The following IP6K1 variants were observed in gnomAD, a reference collection of about 807,000 sequenced individuals.
IP6K1 encodes the protein ATP:1D-myo-inositol-hexakisphosphate phosphotransferase.
IP6K1 carries 13 observed loss-of-function variants against 38.3 expected under a neutral mutation model. The observed-to-expected ratio is 0.34, with a 90% CI of 0.22 to 0.54. The LOEUF (loss-of-function observed/expected upper bound fraction) is 0.54, where lower values mean the gene tolerates loss of function less well. Among genes scored for constraint, IP6K1 ranks in the 20% least tolerant of loss-of-function variants. The probability of loss-of-function intolerance (pLI) is 0.92; values close to 1 mark genes in which losing one functional copy is unlikely to be tolerated. For synonymous variants in IP6K1, 212 were observed against 229.9 expected, an observed-to-expected ratio of 0.92 and a Z score of 0.70; for missense variants, 397 against 599.8, an observed-to-expected ratio of 0.66 and a Z score of 3.53.
intron 1 of IP6K1, among the ~76,000 whole-genome samples, chr3:49,753,826 C>T (rs374328163): frequency 6.6e-6 from 1 of 151,896 alleles, no homozygotes; most frequent in Non-Finnish European, 1.5e-5. Flanking sequence ...TGACAGAATT[C>T]GAAGTCAGCA....
chr3:49,777,990 A>T (rs908125298), intron 1 of IP6K1, among the ~76,000 whole-genome samples: 1 of 152,090 alleles, frequency 6.6e-6, no homozygotes, highest in African/African-American at 2.4e-5. Flanking sequence ...TCTGGTGTGC[A>T]GGGGATTTTC....
intron 1 of IP6K1, among the ~76,000 whole-genome samples, chr3:49,750,334 A>C (rs972738303): frequency 1.3e-5 from 2 of 152,160 alleles, no homozygotes; most frequent in Non-Finnish European, 2.9e-5. Context: ...AGCCTGAGTC[A>C]TTGGGTGGCT....
intron 2 of IP6K1, among the ~76,000 whole-genome samples, chr3:49,738,943 C>T (rs943842684): frequency 6.6e-6 from 1 of 152,144 alleles, no homozygotes; most frequent in Non-Finnish European, 1.5e-5. Context: ...ACAGAACTTC[C>T]ACCCCTGGCA....
chr3:49,737,800 C>T (rs546416611), intron 3 of IP6K1, among the ~76,000 whole-genome samples: 4 of 152,176 alleles, frequency 2.6e-5, no homozygotes, highest in Admixed American at 1.3e-4. Context: ...AGGTCTGACA[C>T]AAAAACCATT....
intron 1 of IP6K1, among the ~76,000 whole-genome samples, chr3:49,782,245 A>G (rs986330615): frequency 4.6e-5 from 7 of 151,394 alleles, no homozygotes; most frequent in Non-Finnish European, 4.4e-5. Flanking sequence ...ATCTCGGCTC[A>G]CTGCAACCTC....
chr3:49,759,971 C>T (rs1437579012), intron 1 of IP6K1, among the ~76,000 whole-genome samples: 3 of 152,276 alleles, frequency 2.0e-5, no homozygotes, highest in East Asian at 1.9e-4. Flanking sequence ...GGCACGATCA[C>T]GGGTTACTAC....
rs1000024504 is a variant in IP6K1 at position 49,726,919 on chromosome 3, G to A, written c.*203C>T. The stretch of plus-strand genomic sequence containing the variant: ...CCAGTCAGAGCCACAAAGCTGAGGA[G>A]CCTGGCTGAGAGGGCGTGTGGTCTG... On this transcript the variant is annotated 3_prime_UTR_variant, in exon 6 of 6. Transcript: ENST00000321599. 5 of 564,482 alleles carry A rather than the reference G, an allele frequency of 8.9e-6. No individual in the cohort carries two copies. The African/African-American group carries it at 9.5e-5, about 11-fold the overall frequency. 35.0% of individuals were successfully genotyped at this position (564,482 alleles called of 1,614,324 possible). A position where few individuals can be genotyped will look rare whatever the true frequency, so the allele number is the denominator to read the frequency against.
At chr3:49,775,628 C>G (rs2081000474) in intron 1 of IP6K1, 3 of 851,088 alleles carry the variant, frequency 3.5e-6, no homozygotes, top group Non-Finnish European at 3.4e-6. Flanking sequence ...GTGGGTGGCC[C>G]CTTCCTCCCC....
intron 4 of IP6K1, among the ~76,000 whole-genome samples, chr3:49,731,629 A>G (rs147500740): frequency 2.0e-4 from 30 of 152,256 alleles, no homozygotes; most frequent in African/African-American, 5.5e-4. Context: ...TTGCTGTGAA[A>G]ATTAACTACG....
chr3:49,780,343 G>A (rs866224597), intron 1 of IP6K1, among the ~76,000 whole-genome samples: 5 of 13,262 alleles, frequency 3.8e-4, no homozygotes, highest in African/African-American at 1.4e-3. Context: ...CACACACACA[G>A]TCTTAGGCTT....
intron 1 of IP6K1, among the ~76,000 whole-genome samples, chr3:49,756,922 A>G (rs1238729006): frequency 3.3e-5 from 5 of 151,980 alleles, no homozygotes; most frequent in African/African-American, 7.2e-5. Flanking sequence ...CCACTGGATT[A>G]CCTGTGCTGT....
intron 3 of IP6K1, among the ~76,000 whole-genome samples, chr3:49,737,973 C>G (rs1459694294): frequency 6.6e-6 from 1 of 152,124 alleles, no homozygotes; most frequent in Non-Finnish European, 1.5e-5. Context: ...ACAGGGTGTC[C>G]CTGCTTCCAA....
chr3:49,767,737 C>T (rs978348059), intron 1 of IP6K1, among the ~76,000 whole-genome samples: 1 of 152,148 alleles, frequency 6.6e-6, no homozygotes, highest in African/African-American at 2.4e-5. Flanking sequence ...GAGATCCCAT[C>T]TCTATTCTAA....
intron 1 of IP6K1, among the ~76,000 whole-genome samples, chr3:49,776,389 T>C (rs1312155640): frequency 4.6e-5 from 7 of 151,906 alleles, no homozygotes; most frequent in South Asian, 4.1e-4. Context: ...TGGTGGTGCA[T>C]GTCTGTAATC....
chr3:49,761,258 T>G (rs1005320453), intron 1 of IP6K1, among the ~76,000 whole-genome samples: 15 of 151,100 alleles, frequency 9.9e-5, no homozygotes, highest in Non-Finnish European at 1.8e-4. Context: ...GAGGGTGCAG[T>G]GAGCGGAGAT....
chr3:49,737,273 T>C (rs1048984610), intron 3 of IP6K1, among the ~76,000 whole-genome samples: 1 of 152,142 alleles, frequency 6.6e-6, no homozygotes, highest in African/African-American at 2.4e-5. Context: ...TTTACCTTCC[T>C]ACCAGCAGTG....
rs369908060 is a variant in IP6K1, at chr3:49,772,224, A to T, written c.-129+14130T>A. On this transcript the variant is annotated intron_variant, in intron 1 of 5. Coordinates refer to ENST00000321599, the MANE Select transcript of IP6K1 (RefSeq NM_153273.4). Reference sequence around the variant, plus strand: ...CAAGACCCTTTCCCTTAAAAAAAAAAATATATATATATATATATGTGTGTG... The same window carrying T: ...CAAGACCCTTTCCCTTAAAAAAAAATATATATATATATATATATGTGTGTG... Among the ~76,000 whole-genome samples, 1,197 of 142,944 alleles carry T rather than the reference A, an allele frequency of 8.4e-3. 11 individuals are homozygous for T. The highest frequency in any genetic ancestry group is 0.036 in the Middle Eastern group (10 of 276). The allele number at this position is 142,944 out of a possible 152,430, so 93.8% of individuals were successfully genotyped here. A position where few individuals can be genotyped will look rare whatever the true frequency, so the allele number is the denominator to read the frequency against.
intron 1 of IP6K1, among the ~76,000 whole-genome samples, chr3:49,750,015 C>T (rs1234225159): frequency 2.0e-5 from 3 of 152,138 alleles, no homozygotes; most frequent in Non-Finnish European, 4.4e-5. Context: ...CCAGCTCTAC[C>T]ATATCAATAT....
intron 1 of IP6K1, among the ~76,000 whole-genome samples, chr3:49,769,185 A>C (rs991409561): frequency 6.6e-6 from 1 of 152,202 alleles, no homozygotes; most frequent in African/African-American, 2.4e-5. Flanking sequence ...TAAGATGTCA[A>C]TTCTCCCCAA....
Sources: allele counts gnomAD v4.1 joint callset (sites outside exome capture counted in the v4.1 genomes callset), GRCh38; gene constraint gnomAD v4.1.1; transcripts MANE v1.5; gene names NCBI Gene and HGNC (gene_info 2026-07-23, HGNC 2026-07-21).